The following RNF220 variants were observed in gnomAD, a reference collection of about 807,000 sequenced individuals.
RNF220 encodes ring finger protein 220.
Under a neutral mutation model 67.1 loss-of-function variants are expected in RNF220, and 7 were observed. The ratio of observed to expected loss-of-function variants is 0.10; its 90% CI spans 0.06 to 0.20. The LOEUF (loss-of-function observed/expected upper bound fraction) is 0.20, where lower values mean the gene tolerates loss of function less well. Ranked by LOEUF, RNF220 falls within the 10% of genes least tolerant of loss-of-function variation. The probability of loss-of-function intolerance (pLI) is 1.00; values close to 1 mark genes in which losing one functional copy is unlikely to be tolerated. For missense variants in RNF220, 565 were observed against 740.3 expected (o/e 0.76, Z 2.75); for synonymous variants, 270 against 283.2 (o/e 0.95, Z 0.47).
chr1:44,496,881 G>A (rs547863353), intron 2 of RNF220, among the ~76,000 whole-genome samples: 29 of 152,336 alleles, frequency 1.9e-4, no homozygotes, highest in African/African-American at 6.7e-4. Flanking sequence ...AACTGCTGGG[G>A]CAGACAGTGT....
intron 2 of RNF220, among the ~76,000 whole-genome samples, chr1:44,586,413 G>A (rs1434786871): frequency 1.3e-5 from 2 of 152,174 alleles, no homozygotes; most frequent in African/African-American, 4.8e-5. Context: ...AGGCATGAGG[G>A]ACAAGGTAAG....
intron 2 of RNF220, among the ~76,000 whole-genome samples, chr1:44,586,497 C>T (rs1414622160): frequency 1.3e-5 from 2 of 152,094 alleles, no homozygotes; most frequent in Admixed American, 1.3e-4. Flanking sequence ...GGGGTCACAG[C>T]TCCAGGGACC....
intron 2 of RNF220, among the ~76,000 whole-genome samples, chr1:44,542,346 A>G (rs922775261): frequency 1.3e-5 from 2 of 152,198 alleles, no homozygotes; most frequent in African/African-American, 2.4e-5. Context: ...CTCACTGAGG[A>G]CAGTCAGCAG....
At chr1:44,468,825 G>C (rs922839940) in intron 2 of RNF220, among the ~76,000 whole-genome samples, 20 of 152,052 alleles carry the variant, frequency 1.3e-4, no homozygotes, top group African/African-American at 4.6e-4. Flanking sequence ...GCTGAGGCAC[G>C]AGAATTGCTT....
At chr1:44,445,611 T>C (rs1445056945) in intron 2 of RNF220, among the ~76,000 whole-genome samples, 1 of 152,186 alleles carries the variant, frequency 6.6e-6, no homozygotes. Flanking sequence ...GGTTACCCTT[T>C]TTCTTCCCTT....
intron 2 of RNF220, among the ~76,000 whole-genome samples, chr1:44,454,386 A>C (rs138524626): frequency 6.6e-6 from 1 of 152,134 alleles, no homozygotes; most frequent in Non-Finnish European, 1.5e-5. Flanking sequence ...ATGGAATTTC[A>C]TGTAGATTTT....
At chr1:44,471,616 G>A (rs1280009811) in intron 2 of RNF220, among the ~76,000 whole-genome samples, 1 of 152,034 alleles carries the variant, frequency 6.6e-6, no homozygotes, top group African/African-American at 2.4e-5. Context: ...CTGAGGTCAG[G>A]AATTCGAGAC....
chr1:44,531,912 G>A (rs1660864189), intron 2 of RNF220, among the ~76,000 whole-genome samples: 1 of 152,076 alleles, frequency 6.6e-6, no homozygotes, highest in African/African-American at 2.4e-5. Flanking sequence ...TGGCTCATAG[G>A]GGACATACAA....
At chr1:44,635,723 T>A in intron 7 of RNF220, 135 bp downstream of exon 7, 5 of 1,515,344 alleles carry the variant, frequency 3.3e-6, no homozygotes, top group Non-Finnish European at 4.4e-6. Context: ...CGACACTAGC[T>A]GCTGACTGCC....
intron 2 of RNF220, among the ~76,000 whole-genome samples, chr1:44,515,890 A>G (rs1659414946): frequency 4.6e-5 from 7 of 152,322 alleles, no homozygotes; most frequent in South Asian, 2.1e-4. Flanking sequence ...ACACTTTCCT[A>G]AAATACAGTC....
intron 2 of RNF220, among the ~76,000 whole-genome samples, chr1:44,552,566 CTTT>C (rs57847805): frequency 0.06 from 5,000 of 83,752 alleles, 214 homozygotes; most frequent in East Asian, 0.34. Flanking sequence ...TAAACTTCTT[CTTT>C]TTTTTTTTTT....
rs566392733 is a variant in RNF220, at chr1:44,599,466, A to G, written c.626-14699A>G. Among the ~76,000 whole-genome samples the G allele has an allele frequency of 1.4e-4, 21 of 152,264 alleles. 1 individual carries two copies. In the Middle Eastern group the frequency reaches 0.02, roughly 148 times the overall value. On this transcript the variant is annotated intron_variant, in intron 2 of 14. Transcript: ENST00000361799. Reference sequence around the variant, plus strand: ...GGTGGACGGACTGCTTGAGCTCAAGAGTTCAAGACCAGCCTGGGCAACATG... The same window carrying G: ...GGTGGACGGACTGCTTGAGCTCAAGGGTTCAAGACCAGCCTGGGCAACATG...
At chr1:44,619,471 G>A (rs913340081) in intron 3 of RNF220, among the ~76,000 whole-genome samples, 2 of 152,190 alleles carry the variant, frequency 1.3e-5, no homozygotes, top group Admixed American at 6.5e-5. Flanking sequence ...AGATTAAAAC[G>A]AAGTGTAACT....
Position 44,649,930 on chromosome 1 carries a change from C to T in RNF220, c.1602C>T (p.His534=), listed in dbSNP as rs925364956. The change falls in exon 14 of 15, where the codon CAC becomes CAT. Residue 534 remains histidine, a synonymous_variant. Transcript: ENST00000361799. This position sits in a 1 kb window ranked among gnomAD's most constrained non-coding sequence, Gnocchi z 5.9. ...CGTCCATCCAGTGTTGGCACGTGCA[C>T]TGCGAGGAGTGCTGGCTGCGGACCC... ...PLTSIQCWHV[H]CEECWLRTLG... is the part of the protein sequence containing the mutation. 6.2e-7 allele frequency: 1 copy of T among 1,613,884 alleles called. No individual in the cohort carries two copies. Among genetic ancestry groups the T allele is most frequent in the Non-Finnish European group, 8.5e-7 (1 of 1,179,970 alleles).
At chr1:44,413,612 CAG>C (rs1648220902) in intron 2 of RNF220, among the ~76,000 whole-genome samples, 4 of 152,208 alleles carry the variant, frequency 2.6e-5, no homozygotes, top group Admixed American at 2.6e-4. Flanking sequence ...TGTGGGTAGA[CAG>C]AGCAGTTTTC....
At chr1:44,552,563 C>CTTTTT (rs368891059) in intron 2 of RNF220, among the ~76,000 whole-genome samples, 1,693 of 71,306 alleles carry the variant, frequency 0.024, 291 homozygotes, top group Middle Eastern at 0.032. Flanking sequence ...TTCTAAACTT[C>CTTTTT]TTCTTTTTTT....
intron 2 of RNF220, among the ~76,000 whole-genome samples, chr1:44,561,835 C>T (rs745350841): frequency 6.6e-6 from 1 of 151,976 alleles, no homozygotes; most frequent in African/African-American, 2.4e-5. Flanking sequence ...GAGAATCACT[C>T]GAACTCAGGA....
At position 44,436,518 on chromosome 1, in the gene RNF220, G is replaced by A. The variant is rs577777166; in HGVS notation, c.625+23796G>A. The stretch of plus-strand genomic sequence containing the variant: ...GGAGGGACTTGCAGAGAAAGACAAG[G>A]AAGTGATTTTGCCCAGTTTAAATCC... On this transcript the variant is annotated intron_variant, in intron 2 of 14. Transcript: ENST00000361799. Among the ~76,000 whole-genome samples the A allele has an allele frequency of 9.9e-5, 15 of 152,284 alleles. No homozygotes were observed. In the South Asian group the frequency reaches 2.7e-3, roughly 27 times the overall value.
intron 2 of RNF220, among the ~76,000 whole-genome samples, chr1:44,428,655 G>T (rs1650041678): frequency 6.6e-6 from 1 of 151,978 alleles, no homozygotes; most frequent in Admixed American, 6.6e-5. Context: ...CCCCCAAACT[G>T]GCCTCCCTCT....
Sources: gnomAD v4.1 joint callset for allele counts (sites outside exome capture counted in the v4.1 genomes callset) on GRCh38, gnomAD v4.1.1 for gene constraint, Gnocchi (gnomAD v3.1) non-coding constraint, MANE v1.5 for transcripts, NCBI Gene and HGNC (gene_info 2026-07-23, HGNC 2026-07-21) for gene names.